The following IP6K1 variants were observed in gnomAD, a reference collection of about 807,000 sequenced individuals.
The protein encoded by IP6K1 is inositol hexakisphosphate kinase 1.
Under a neutral mutation model 38.3 loss-of-function variants are expected in IP6K1, and 13 were observed. The observed-to-expected ratio is 0.34, with a 90% CI of 0.22 to 0.54. IP6K1 has a LOEUF of 0.54. Ranked by LOEUF, IP6K1 falls within the 20% of genes least tolerant of loss-of-function variation. IP6K1 has a pLI of 0.92. For synonymous variants in IP6K1, 212 were observed against 229.9 expected (o/e 0.92, Z 0.70); for missense variants, 397 against 599.8 (o/e 0.66, Z 3.53).
chr3:49,783,858 A>G (rs2081089071), intron 1 of IP6K1, among the ~76,000 whole-genome samples: 1 of 152,066 alleles, frequency 6.6e-6, no homozygotes, highest in Non-Finnish European at 1.5e-5. Context: ...TAAATAACTA[A>G]AGACTACTCA....
chr3:49,747,755 A>C, intron 2 of IP6K1, 63 bp downstream of exon 2: 1 of 1,596,358 alleles, frequency 6.3e-7, no homozygotes, highest in Non-Finnish European at 8.6e-7. Context: ...ACCAAGAAAA[A>C]ACTGTGGCAA....
intron 2 of IP6K1, among the ~76,000 whole-genome samples, chr3:49,739,257 CAGTG>C: frequency 1.3e-5 from 2 of 152,168 alleles, no homozygotes. Context: ...ATCTGAAAAT[CAGTG>C]AGAAGCATTT....
At chr3:49,772,795 C>T (rs1269377888) in intron 1 of IP6K1, among the ~76,000 whole-genome samples, 2 of 151,298 alleles carry the variant, frequency 1.3e-5, no homozygotes, top group Non-Finnish European at 1.5e-5. Flanking sequence ...CAGGGTCTCA[C>T]TACGTTGCCC....
intron 3 of IP6K1, among the ~76,000 whole-genome samples, chr3:49,737,671 C>CTCCA (rs2080624803): frequency 6.6e-6 from 1 of 152,158 alleles, no homozygotes; most frequent in South Asian, 2.1e-4. Context: ...AACAGCAAGA[C>CTCCA]TCCATCTCAA....
At chr3:49,777,812 G>C (rs1429826963) in intron 1 of IP6K1, among the ~76,000 whole-genome samples, 11 of 152,012 alleles carry the variant, frequency 7.2e-5, no homozygotes, top group Non-Finnish European at 2.9e-5. Context: ...CTACTCGGGA[G>C]GCGAAGGCAG....
Position 49,728,190 on chromosome 3 carries a change from G to A in IP6K1, c.705C>T (p.Asp235=), listed in dbSNP as rs147379936. 6.8e-5 allele frequency: 110 copies of A among 1,614,144 alleles called. No individual in the cohort carries two copies. The highest frequency in any genetic ancestry group is 4.9e-4 in the Middle Eastern group (3 of 6,062). Residue 235 remains aspartate, a synonymous_variant, in exon 5 of 6, where the codon GAC becomes GAT. Coordinates refer to ENST00000321599, the MANE Select transcript of IP6K1 (RefSeq NM_153273.4). ...GCCGGGCTGCCTTCTCAGCTGACGC[G>A]TCATCGCCATGCTGCCGCGTGCCCA... ...LKMGTRQHGD[D]ASAEKAARQM...
At chr3:49,756,950 G>A (rs1170853621) in intron 1 of IP6K1, among the ~76,000 whole-genome samples, 10 of 151,986 alleles carry the variant, frequency 6.6e-5, no homozygotes, top group Admixed American at 4.6e-4. Context: ...TAGTACATGC[G>A]AGCCATCCCT....
intron 1 of IP6K1, among the ~76,000 whole-genome samples, chr3:49,773,029 T>C: frequency 6.6e-6 from 1 of 152,036 alleles, no homozygotes; most frequent in East Asian, 1.9e-4. Context: ...CTTGCTGGGT[T>C]GTCCAGGCTG....
chr3:49,730,979 G>T (rs1276157444), intron 4 of IP6K1, among the ~76,000 whole-genome samples: 1 of 151,988 alleles, frequency 6.6e-6, no homozygotes, highest in African/African-American at 2.4e-5. Flanking sequence ...AAAGTGCTGG[G>T]ATTACAGGAA....
intron 1 of IP6K1, among the ~76,000 whole-genome samples, chr3:49,761,042 G>A (rs1575320326): frequency 2.0e-5 from 3 of 152,208 alleles, no homozygotes; most frequent in Admixed American, 1.3e-4. Context: ...CTGGCCGGAC[G>A]TGGTGGCTCA....
At chr3:49,765,745 T>C (rs769170248) in intron 1 of IP6K1, among the ~76,000 whole-genome samples, 5 of 150,884 alleles carry the variant, frequency 3.3e-5, no homozygotes, top group Non-Finnish European at 7.4e-5. Flanking sequence ...ACATAAACTA[T>C]GTAAAAATCT....
At chr3:49,749,634 G>A (rs920058950) in intron 1 of IP6K1, among the ~76,000 whole-genome samples, 3 of 152,080 alleles carry the variant, frequency 2.0e-5, no homozygotes, top group Non-Finnish European at 2.9e-5. Context: ...TGGCACTACT[G>A]CACTCCAGCC....
At chr3:49,742,052 C>G (rs539106938) in intron 2 of IP6K1, among the ~76,000 whole-genome samples, 1 of 152,090 alleles carries the variant, frequency 6.6e-6, no homozygotes. Context: ...GCACTCCAGC[C>G]TGGGCGACAC....
chr3:49,778,122 G>A (rs979917133), intron 1 of IP6K1, among the ~76,000 whole-genome samples: 2 of 151,102 alleles, frequency 1.3e-5, no homozygotes, highest in South Asian at 2.1e-4. Context: ...TCAGGAGATC[G>A]AGACCATCCT....
intron 1 of IP6K1, chr3:49,775,379 T>C (rs1187934297): frequency 1.1e-5 from 4 of 356,124 alleles, no homozygotes; most frequent in Non-Finnish European, 2.2e-5. Context: ...AAGTGTGTGA[T>C]TTGTGACTTT....
chr3:49,738,946 C>T (rs2108229186), intron 2 of IP6K1, among the ~76,000 whole-genome samples: 1 of 152,274 alleles, frequency 6.6e-6, no homozygotes, highest in South Asian at 2.1e-4. Flanking sequence ...GAACTTCCAC[C>T]CCTGGCATCT....
At chr3:49,781,865 T>G (rs751132380) in intron 1 of IP6K1, among the ~76,000 whole-genome samples, 17 of 151,628 alleles carry the variant, frequency 1.1e-4, no homozygotes, top group Non-Finnish European at 2.2e-4. Context: ...GGAGGATCAC[T>G]CAAACCCAGG....
At chr3:49,775,031 A>G (rs1415868555) in intron 1 of IP6K1, among the ~76,000 whole-genome samples, 1 of 152,234 alleles carries the variant, frequency 6.6e-6, no homozygotes, top group Non-Finnish European at 1.5e-5. Context: ...TTTAATATAA[A>G]TAACTGATTC....
chr3:49,781,065 A>T (rs918657480), intron 1 of IP6K1, among the ~76,000 whole-genome samples: 18 of 146,918 alleles, frequency 1.2e-4, no homozygotes, highest in East Asian at 7.9e-4. Flanking sequence ...AACAAAAAAG[A>T]TTTTTTTTTT....
Sources: gnomAD v4.1 joint callset for allele counts (sites outside exome capture counted in the v4.1 genomes callset) on GRCh38, gnomAD v4.1.1 for gene constraint, MANE v1.5 for transcripts, NCBI Gene and HGNC (gene_info 2026-07-23, HGNC 2026-07-21) for gene names.